The following CSE1L variants were observed in gnomAD, a reference collection of about 807,000 sequenced individuals.
CSE1L encodes the protein exportin-2.
A neutral mutation model predicts 120.4 loss-of-function variants in CSE1L; 24 were observed. The observed-to-expected ratio is 0.20, with a 90% CI of 0.14 to 0.28. CSE1L has a LOEUF of 0.28. CSE1L is among the 10% of genes least tolerant of loss of function. CSE1L has a pLI of 1.00. For synonymous variants in CSE1L, 402 were observed against 398.3 expected, an observed-to-expected ratio of 1.01 and a Z score of -0.11; for missense variants, 830 against 1,145.2, an observed-to-expected ratio of 0.72 and a Z score of 3.97.
At chr20:49,074,693 C>T (rs2091957619) in intron 10 of CSE1L, 92 bp from the exon 11 acceptor site, 13 of 962,354 alleles carry the variant, frequency 1.4e-5, no homozygotes, top group Non-Finnish European at 2.0e-5. Flanking sequence ...TGCTGTAGAA[C>T]AAGGCAGTTT....
intron 14 of CSE1L, among the ~76,000 whole-genome samples, chr20:49,082,410 C>G (rs1180327212): frequency 3.3e-5 from 5 of 152,096 alleles, no homozygotes; most frequent in Non-Finnish European, 7.4e-5. Context: ...TCCCAAAGTG[C>G]TGGGATTACA....
chr20:49,078,592 T>C lies in CSE1L; in HGVS notation c.1452T>C (p.Gly484=). The C allele has an allele frequency of 6.4e-7, 1 of 1,571,584 alleles. No homozygotes were observed. The highest frequency in any genetic ancestry group is 1.2e-5 in the South Asian group (1 of 83,912). ...AATTTCCTGTCCTTAAAGCTGACGG[T>C]ATCAAATATATTATGATTTTTAGAA... ...VNEFPVLKAD[G]IKYIMIFRNQ... is the part of the protein sequence containing the mutation. The change falls in exon 14 of 25, where the codon GGT becomes GGC. Residue 484 remains glycine (G), a synonymous_variant. Coordinates refer to ENST00000262982, the MANE Select transcript of CSE1L (RefSeq NM_001316.4).
At chr20:49,062,083 T>C (rs951560209) in intron 2 of CSE1L, among the ~76,000 whole-genome samples, 2 of 152,214 alleles carry the variant, frequency 1.3e-5, no homozygotes, top group Admixed American at 6.5e-5. Context: ...GGAAAGAGAC[T>C]TGGCAATTTA....
At chr20:49,089,028 G>C (rs2092081490) in intron 17 of CSE1L, among the ~76,000 whole-genome samples, 1 of 152,074 alleles carries the variant, frequency 6.6e-6, no homozygotes, top group South Asian at 2.1e-4. Flanking sequence ...TCTGGGATCT[G>C]AGGTTTGTAT....
chr20:49,060,184 TAAAAA>T (rs397839598), intron 2 of CSE1L, among the ~76,000 whole-genome samples: 4 of 133,474 alleles, frequency 3.0e-5, no homozygotes, highest in South Asian at 2.5e-4. Flanking sequence ...AATCTTGTCT[TAAAAA>T]AAAAAAAAAA....
intron 14 of CSE1L, among the ~76,000 whole-genome samples, chr20:49,083,270 C>T (rs73611334): frequency 2.8e-4 from 43 of 151,646 alleles, no homozygotes; most frequent in African/African-American, 4.4e-4. Flanking sequence ...CTACCCACCT[C>T]GGCCTCCCAA....
intron 21 of CSE1L, among the ~76,000 whole-genome samples, chr20:49,091,825 T>C (rs1480946528): frequency 1.3e-5 from 2 of 152,180 alleles, no homozygotes; most frequent in Admixed American, 1.3e-4. Context: ...ACCAAAACAT[T>C]TTTTCAGTAG....
chr20:49,076,763 TC>T (rs1194300440), intron 12 of CSE1L, among the ~76,000 whole-genome samples: 1 of 151,780 alleles, frequency 6.6e-6, no homozygotes, highest in Non-Finnish European at 1.5e-5. Flanking sequence ...ACTCCTGACT[TC>T]AAGTGATCTA....
Position 49,076,994 on chromosome 20 carries a change from A to G in CSE1L, c.1350A>G (p.Gln450=), listed in dbSNP as rs2091973491. 3.7e-6 allele frequency: 6 copies of G among 1,605,396 alleles called. No homozygotes were observed. The East Asian group carries it at 1.3e-4, about 36-fold the overall frequency. The change falls in exon 13 of 25, where the codon CAA becomes CAG. Residue 450 remains glutamine (Q), a synonymous_variant. Coordinates refer to ENST00000262982, the MANE Select transcript of CSE1L (RefSeq NM_001316.4). ...KAQTQKHGIT[Q]ANELVNLTEF... ...TTGCTTTTCAGCATGGAATTACACA[A>G]GCAAATGAACTTGTAAACCTAACTG...
chr20:49,085,466 G>T (rs1026753310), intron 16 of CSE1L, 80 bp downstream of exon 16: 24 of 895,106 alleles, frequency 2.7e-5, no homozygotes, highest in Non-Finnish European at 3.7e-5. Context: ...TATACTTCAG[G>T]TTATACAGTC....
chr20:49,088,132 G>A (rs1361212706), intron 17 of CSE1L, 26 bp downstream of exon 17: 4 of 1,510,498 alleles, frequency 2.6e-6, no homozygotes, highest in Non-Finnish European at 3.7e-6. Context: ...TTGAAAGTGG[G>A]GTTCCTTTTT....
intron 2 of CSE1L, among the ~76,000 whole-genome samples, chr20:49,061,332 C>A (rs576104904): frequency 1.3e-5 from 2 of 149,868 alleles, no homozygotes; most frequent in East Asian, 3.9e-4. Context: ...GCCACCATGC[C>A]TACCTAATTA....
intron 24 of CSE1L, among the ~76,000 whole-genome samples, chr20:49,095,822 C>G (rs1037098149): frequency 6.6e-6 from 1 of 152,096 alleles, no homozygotes; most frequent in Non-Finnish European, 1.5e-5. Flanking sequence ...TACAGTGCCA[C>G]TGCAATCCAG....
At chr20:49,059,289 C>T (rs2091833267) in intron 2 of CSE1L, among the ~76,000 whole-genome samples, 1 of 151,834 alleles carries the variant, frequency 6.6e-6, no homozygotes, top group Non-Finnish European at 1.5e-5. Flanking sequence ...TATTTTAAGA[C>T]CTAGAGCTTT....
chr20:49,069,369 T>G lies in CSE1L; in HGVS notation c.675+547T>G, dbSNP rs545807034. Among the ~76,000 whole-genome samples, 22 of 152,304 alleles carry G rather than the reference T, an allele frequency of 1.4e-4. No individual in the cohort carries two copies. In the East Asian group the frequency reaches 4.1e-3, roughly 28 times the overall value. On this transcript the variant is annotated intron_variant, in intron 7 of 24. Transcript: ENST00000262982. Reference sequence around the variant, plus strand: ...TTGCTACTGAGATAGTGGCCTCCAATCATTCTTTCTGTTCTTAATCATTAA... The same window carrying G: ...TTGCTACTGAGATAGTGGCCTCCAAGCATTCTTTCTGTTCTTAATCATTAA...
chr20:49,079,228 AT>A (rs924389680), intron 14 of CSE1L, among the ~76,000 whole-genome samples: 87 of 142,836 alleles, frequency 6.1e-4, no homozygotes, highest in African/African-American at 2.1e-3. Flanking sequence ...TTTAAAAAAA[AT>A]TTTTTTTTAT....
intron 16 of CSE1L, among the ~76,000 whole-genome samples, chr20:49,085,780 C>T (rs2092051747): frequency 6.6e-6 from 1 of 151,762 alleles, no homozygotes; most frequent in African/African-American, 2.4e-5. Context: ...CCATATTGGC[C>T]AGGCTGGTCT....
rs1021324238 is a variant in CSE1L, at chr20:49,096,703, C to T, written c.*265C>T. 6.8e-5 allele frequency: 29 copies of T among 425,126 alleles called. No individual in the cohort carries two copies. The highest frequency in any genetic ancestry group is 1.1e-4 in the Non-Finnish European group (25 of 236,890). 26.3% of individuals were successfully genotyped at this position (425,126 alleles called of 1,614,324 possible). On this transcript the variant is annotated 3_prime_UTR_variant, in exon 25 of 25. Coordinates refer to ENST00000262982, the MANE Select transcript of CSE1L (RefSeq NM_001316.4). ...GTGTATGGCGTTGGTTTGTGTTGAG[C>T]GTTTGCACGGTTTGGATAATCTTAA...
At chr20:49,087,932 T>G in intron 16 of CSE1L, 77 bp from the exon 17 acceptor site, 2 of 955,634 alleles carry the variant, frequency 2.1e-6, no homozygotes, top group Non-Finnish European at 3.1e-6. Context: ...ATTAGTGCGC[T>G]TTTTTCCCCC....
Sources: allele counts gnomAD v4.1 joint callset (sites outside exome capture counted in the v4.1 genomes callset), GRCh38; gene constraint gnomAD v4.1.1; transcripts MANE v1.5; gene names NCBI Gene and HGNC (gene_info 2026-07-23, HGNC 2026-07-21).